Variants in RTN4RL1 observed in about 807,000 individuals in gnomAD.
RTN4RL1 encodes the protein reticulon 4 receptor like 1, also known as reticulon-4 receptor-like 1.
A neutral mutation model predicts 25.6 loss-of-function variants in RTN4RL1; 7 were observed. The ratio of observed to expected loss-of-function variants is 0.27; its 90% CI spans 0.16 to 0.51. The LOEUF is 0.51. Among genes scored for constraint, RTN4RL1 ranks in the 20% least tolerant of loss-of-function variants. The probability of loss-of-function intolerance (pLI) is 0.97; values close to 1 mark genes in which losing one functional copy is unlikely to be tolerated. For synonymous variants in RTN4RL1, 297 were observed against 288.2 expected, an observed-to-expected ratio of 1.03 and a Z score of -0.31; for missense variants, 500 against 615.6, an observed-to-expected ratio of 0.81 and a Z score of 1.99.
chr17:1,946,569 TG>T (rs1597488516), intron 1 of RTN4RL1, among the ~76,000 whole-genome samples: 4 of 147,024 alleles, frequency 2.7e-5, no homozygotes, highest in African/African-American at 7.7e-5. Flanking sequence ...TCTGTGTGAA[TG>T]TGTGTGTGTG....
chr17:1,954,141 A>G (rs1915740449), intron 1 of RTN4RL1, among the ~76,000 whole-genome samples: 1 of 152,200 alleles, frequency 6.6e-6, no homozygotes. Flanking sequence ...CTTTCTGTTT[A>G]AGCCATTTTG....
chr17:1,991,259 G>A (rs1191812369), intron 1 of RTN4RL1, among the ~76,000 whole-genome samples: 2 of 151,978 alleles, frequency 1.3e-5, no homozygotes, highest in Middle Eastern at 3.2e-3. Flanking sequence ...GATGCCCCGG[G>A]GAAGGGTAGG....
intron 1 of RTN4RL1, among the ~76,000 whole-genome samples, chr17:1,970,055 T>C (rs2066811582): frequency 6.7e-6 from 1 of 148,924 alleles, no homozygotes. Context: ...AGAGTTTCAC[T>C]CTGTCGTCTA....
chr17:2,014,129 C>T (rs1027270654), intron 1 of RTN4RL1, among the ~76,000 whole-genome samples: 2 of 152,122 alleles, frequency 1.3e-5, no homozygotes, highest in African/African-American at 4.8e-5. Context: ...GGAGGGACAC[C>T]CAGTGCCCAT....
intron 1 of RTN4RL1, among the ~76,000 whole-genome samples, chr17:1,961,108 C>T (rs1341763700): frequency 6.6e-6 from 1 of 152,214 alleles, no homozygotes. Context: ...GGGCCAGGCA[C>T]CCAGGTAGTG....
intron 1 of RTN4RL1, among the ~76,000 whole-genome samples, chr17:1,941,277 G>A (rs990203652): frequency 4.6e-5 from 7 of 152,236 alleles, no homozygotes; most frequent in Admixed American, 4.6e-4. Context: ...GGGGACACCA[G>A]GCAAGGACCC....
chr17:2,025,019 G>A lies in RTN4RL1; in HGVS notation c.-154C>T, dbSNP rs983992018. On this transcript the variant is annotated 5_prime_UTR_variant, in exon 1 of 2. Coordinates refer to ENST00000331238, the MANE Select transcript of RTN4RL1 (RefSeq NM_178568.4). This position sits in a 1 kb window ranked among gnomAD's most constrained non-coding sequence, Gnocchi z 4.8. ...TCGTGCCCGGTGGCCCGGCCCCGCAGGGGCATGGTGAGCTCCAGCCCCGCG... is the reference window on the plus strand; with the variant it reads ...TCGTGCCCGGTGGCCCGGCCCCGCAAGGGCATGGTGAGCTCCAGCCCCGCG... The A allele has an allele frequency of 5.7e-6, 4 of 707,782 alleles. No homozygotes were observed. Among genetic ancestry groups the A allele is most frequent in the Non-Finnish European group, 8.8e-6 (4 of 452,312 alleles). 43.8% of individuals were successfully genotyped at this position (707,782 alleles called of 1,614,324 possible).
chr17:1,944,486 C>T (rs1201379187), intron 1 of RTN4RL1, among the ~76,000 whole-genome samples: 1 of 151,986 alleles, frequency 6.6e-6, no homozygotes, highest in African/African-American at 2.4e-5. Context: ...GACAGAGTCT[C>T]GCTCTGTCCC....
Position 1,971,076 on chromosome 17 carries a change from G to C in RTN4RL1, c.14-33268C>G, listed in dbSNP as rs901238008. On this transcript the variant is annotated intron_variant, in intron 1 of 1. Coordinates refer to ENST00000331238, the MANE Select transcript of RTN4RL1 (RefSeq NM_178568.4). Reference sequence around the variant, plus strand: ...CATCCTGCAAGGTAGATGCTACTCAGTATGGTTTGGCTCTGTGTCCCCACC... The same window carrying C: ...CATCCTGCAAGGTAGATGCTACTCACTATGGTTTGGCTCTGTGTCCCCACC... 5.5e-4 allele frequency among the ~76,000 whole-genome samples: 84 copies of C among 152,216 alleles called. 1 individual carries two copies. The highest frequency in any genetic ancestry group is 1.9e-4 in the Non-Finnish European group (13 of 68,030).
At chr17:1,980,926 CAAAAAAAA>C (rs71723916) in intron 1 of RTN4RL1, among the ~76,000 whole-genome samples, 1 of 87,148 alleles carries the variant, frequency 1.1e-5, no homozygotes, top group Admixed American at 1.3e-4. Flanking sequence ...GATTCTATCT[CAAAAAAAA>C]AAAAAAAAAA....
intron 1 of RTN4RL1, among the ~76,000 whole-genome samples, chr17:1,965,741 C>T (rs965817528): frequency 6.6e-6 from 1 of 152,176 alleles, no homozygotes; most frequent in Non-Finnish European, 1.5e-5. Flanking sequence ...CCCGCCAGGC[C>T]CCCACTGCCC....
rs533226531 is a variant in RTN4RL1, at chr17:1,966,233, A to C, written c.14-28425T>G. On this transcript the variant is annotated intron_variant, in intron 1 of 1. Coordinates refer to ENST00000331238, the MANE Select transcript of RTN4RL1 (RefSeq NM_178568.4). ...CCGCGTACGATTCCCAGTGTGACTG[A>C]GAGCTGAACACTCTGCAAAAGGGTC... Among the ~76,000 whole-genome samples, 11 of 152,326 alleles carry C rather than the reference A, an allele frequency of 7.2e-5. No individual in the cohort carries two copies. The South Asian group carries it at 1.5e-3, about 20-fold the overall frequency.
At chr17:1,987,078 G>T (rs181083953) in intron 1 of RTN4RL1, among the ~76,000 whole-genome samples, 5 of 152,304 alleles carry the variant, frequency 3.3e-5, no homozygotes, top group South Asian at 2.1e-4. Context: ...AAGAAAAAAG[G>T]TTCAGCAAAC....
chr17:1,953,389 C>T (rs376269249), intron 1 of RTN4RL1, among the ~76,000 whole-genome samples: 2 of 151,892 alleles, frequency 1.3e-5, no homozygotes, highest in African/African-American at 4.8e-5. Flanking sequence ...CTGGGTAGAG[C>T]GAGATCCCGT....
At chr17:1,988,206 C>T (rs1365489526) in intron 1 of RTN4RL1, among the ~76,000 whole-genome samples, 2 of 151,924 alleles carry the variant, frequency 1.3e-5, no homozygotes, top group Non-Finnish European at 2.9e-5. Context: ...ATCACGAGGT[C>T]AAGAGATCGA....
chr17:2,015,009 A>G (rs575988615), intron 1 of RTN4RL1, among the ~76,000 whole-genome samples: 95 of 152,214 alleles, frequency 6.2e-4, no homozygotes, highest in African/African-American at 2.1e-3. Flanking sequence ...TTCTAAGAAG[A>G]GAGAGACAAG....
intron 1 of RTN4RL1, among the ~76,000 whole-genome samples, chr17:1,967,567 C>T (rs1371052056): frequency 2.0e-5 from 3 of 152,280 alleles, no homozygotes; most frequent in South Asian, 2.1e-4. Context: ...AGCCCTACAC[C>T]TGGAATTCTA....
At chr17:2,004,863 G>C (rs1051980936) in intron 1 of RTN4RL1, among the ~76,000 whole-genome samples, 1 of 152,230 alleles carries the variant, frequency 6.6e-6, no homozygotes, top group Non-Finnish European at 1.5e-5. Context: ...AGGGCAGTGA[G>C]ATGTGGGCTG....
At chr17:1,981,144 G>GC (rs11434395) in intron 1 of RTN4RL1, among the ~76,000 whole-genome samples, 35,499 of 151,706 alleles carry the variant, frequency 0.23, 4,631 homozygotes, top group Middle Eastern at 0.34. Flanking sequence ...AGCACTTTGG[G>GC]AGGCTGAGGA....
Sources: allele counts gnomAD v4.1 joint callset (sites outside exome capture counted in the v4.1 genomes callset), GRCh38; gene constraint gnomAD v4.1.1; non-coding constraint Gnocchi (gnomAD v3.1); transcripts MANE v1.5; gene names NCBI Gene and HGNC (gene_info 2026-07-23, HGNC 2026-07-21).